Variants in NEMP2 observed in about 807,000 individuals in gnomAD.
The protein encoded by NEMP2 is UPF0571 transmembrane protein.
A neutral mutation model predicts 54.2 loss-of-function variants in NEMP2; 53 were observed. The ratio of observed to expected loss-of-function variants is 0.98; its 90% CI spans 0.78 to 1.23. The LOEUF (loss-of-function observed/expected upper bound fraction) is 1.23, where lower values mean the gene tolerates loss of function less well. Ranked by LOEUF, NEMP2 falls within the 50% of genes most tolerant of loss-of-function variation. The pLI is 0.00. For missense variants in NEMP2, 455 were observed against 511.3 expected (o/e 0.89, Z 1.06); for synonymous variants, 197 against 190.3 (o/e 1.04, Z -0.29).
chr2:190,458,231 A>G, the NEMP2 span, among the ~76,000 whole-genome samples: 2 of 152,190 alleles, frequency 1.3e-5, no homozygotes, highest in South Asian at 4.1e-4. This position sits in a 1 kb window ranked among gnomAD's most constrained non-coding sequence, Gnocchi z 5.3. Flanking sequence ...AACCCACAGT[A>G]CCTCAGAGTG....
the NEMP2 span, among the ~76,000 whole-genome samples, chr2:190,600,235 T>C: frequency 2.6e-5 from 4 of 152,154 alleles, no homozygotes; most frequent in Non-Finnish European, 4.4e-5. This position sits in a 1 kb window ranked among gnomAD's most constrained non-coding sequence, Gnocchi z 4.9. Context: ...GCTTGATTAT[T>C]GGCTCTTCAA....
rs1317465741 is a variant in NEMP2, at chr2:190,512,308, G to A, written c.954-1771C>T. On this transcript the variant is annotated intron_variant, in intron 7 of 8. Coordinates refer to ENST00000409150, the MANE Select transcript of NEMP2 (RefSeq NM_001142645.2). This position sits in a 1 kb window ranked among gnomAD's most constrained non-coding sequence, Gnocchi z 4.5. ...ATAGGTCACTGTACAGGTTAAATGA[G>A]ATATTTTGTGTAGGGTTCTTAGCAC... Among the ~76,000 whole-genome samples the A allele has an allele frequency of 6.6e-6, 1 of 152,172 alleles. No homozygotes were observed. Among genetic ancestry groups the A allele is most frequent in the African/African-American group, 2.4e-5 (1 of 41,462 alleles).
chr2:190,554,256 A>G, the NEMP2 span, among the ~76,000 whole-genome samples: 3 of 152,076 alleles, frequency 2.0e-5, no homozygotes, highest in African/African-American at 7.2e-5. The surrounding 1 kb of genome is among the most constrained non-coding windows in gnomAD (Gnocchi z 5.7). Flanking sequence ...AGCTAGCCGC[A>G]GGAGTTTTTT....
chr2:190,462,365 G>A, the NEMP2 span, among the ~76,000 whole-genome samples: 5 of 152,170 alleles, frequency 3.3e-5, no homozygotes, highest in African/African-American at 1.2e-4. This position sits in a 1 kb window ranked among gnomAD's most constrained non-coding sequence, Gnocchi z 5.7. Context: ...AGTGAATGGT[G>A]GATCCCACAC....
chr2:190,611,009 G>T, the NEMP2 span: 3 of 152,120 alleles, frequency 2.0e-5, no homozygotes, highest in Non-Finnish European at 4.4e-5. The surrounding 1 kb of genome is among the most constrained non-coding windows in gnomAD (Gnocchi z 5.4). Context: ...GCATTCAAGA[G>T]CACCTGTTAG....
Position 190,504,489 on chromosome 2 carries a change from G to T in NEMP2, c.*4700C>A, listed in dbSNP as rs572429481. ...TGCATTGTAAACATTAAGTGGTTGG[G>T]GATATGAGTTAGTTAAGAGACAAAA... is the stretch of plus-strand genomic sequence containing the variant. On this transcript the variant is annotated 3_prime_UTR_variant, in exon 9 of 9. Transcript: ENST00000409150. This position sits in a 1 kb window ranked among gnomAD's most constrained non-coding sequence, Gnocchi z 5.6. 6.6e-6 allele frequency: 1 copy of T among 151,996 alleles called. No individual in the cohort carries two copies. The highest frequency in any genetic ancestry group is 2.4e-5 in the African/African-American group (1 of 41,438). The allele number at this position is 151,996 out of a possible 1,614,324, so 9.4% of individuals were successfully genotyped here.
the NEMP2 span, among the ~76,000 whole-genome samples, chr2:190,632,838 A>G: frequency 6.6e-6 from 1 of 152,244 alleles, no homozygotes; most frequent in Admixed American, 6.5e-5. The surrounding 1 kb of genome is among the most constrained non-coding windows in gnomAD (Gnocchi z 4.8). Flanking sequence ...TGGTCATTAT[A>G]GAATATACAG....
the NEMP2 span, among the ~76,000 whole-genome samples, chr2:190,474,594 A>C: frequency 5.3e-5 from 8 of 152,226 alleles, no homozygotes; most frequent in African/African-American, 1.7e-4. Context: ...AACCAAAAAA[A>C]GTCCAGGACC....
chr2:190,479,110 A>G, the NEMP2 span, among the ~76,000 whole-genome samples: 1 of 152,180 alleles, frequency 6.6e-6, no homozygotes, highest in Non-Finnish European at 1.5e-5. Context: ...GGGTTTGTGA[A>G]GAAACAAATT....
chr2:190,502,987 C>T (rs560528035), downstream of NEMP2, among the ~76,000 whole-genome samples: 1 of 152,322 alleles, frequency 6.6e-6, no homozygotes, highest in East Asian at 1.9e-4. The surrounding 1 kb of genome is among the most constrained non-coding windows in gnomAD (Gnocchi z 4.4). Flanking sequence ...TTACCCCACC[C>T]CAGGAGGCAG....
At chr2:190,478,705 A>G in the NEMP2 span, among the ~76,000 whole-genome samples, 1 of 152,166 alleles carries the variant, frequency 6.6e-6, no homozygotes, top group Non-Finnish European at 1.5e-5. Context: ...TTGATTGCCA[A>G]AGACCTAGTC....
the NEMP2 span, among the ~76,000 whole-genome samples, chr2:190,590,987 G>A: frequency 1.1e-3 from 173 of 152,248 alleles, no homozygotes; most frequent in Non-Finnish European, 6.5e-4. The surrounding 1 kb of genome is among the most constrained non-coding windows in gnomAD (Gnocchi z 5.1). Context: ...AATGAGGCTT[G>A]CTTTTTACCT....
rs2125302059 is a variant in NEMP2, at chr2:190,509,552, A to G, written c.1131-240T>C. Among the ~76,000 whole-genome samples, 1 of 152,170 alleles carries G rather than the reference A, an allele frequency of 6.6e-6. No homozygotes were observed. Among genetic ancestry groups the G allele is most frequent in the East Asian group, 1.9e-4 (1 of 5,184 alleles). ...TATAAGCACTAAGTAAGCCAAATGT[A>G]CTCACTCCTGTTTTCTAATTCCTTC... On this transcript the variant is annotated intron_variant, in intron 8 of 8. Coordinates refer to ENST00000409150, the MANE Select transcript of NEMP2 (RefSeq NM_001142645.2). This position sits in a 1 kb window ranked among gnomAD's most constrained non-coding sequence, Gnocchi z 6.1.
chr2:190,628,454 T>C, the NEMP2 span: 11,378 of 152,276 alleles, frequency 0.075, 536 homozygotes, highest in African/African-American at 0.13. The surrounding 1 kb of genome is among the most constrained non-coding windows in gnomAD (Gnocchi z 4.1). Flanking sequence ...ACTAGCAATA[T>C]TTATGGTACA....
the NEMP2 span, among the ~76,000 whole-genome samples, chr2:190,644,348 G>A: frequency 1.3e-5 from 2 of 152,172 alleles, no homozygotes; most frequent in Non-Finnish European, 2.9e-5. The surrounding 1 kb of genome is among the most constrained non-coding windows in gnomAD (Gnocchi z 4.4). Flanking sequence ...ATCTCAGCAT[G>A]CTTCTGTACT....
chr2:190,598,042 G>A, the NEMP2 span, among the ~76,000 whole-genome samples: 89 of 152,158 alleles, frequency 5.8e-4, no homozygotes, highest in African/African-American at 1.9e-3. Context: ...TGTCTTCTTC[G>A]TTGTGGGGCC....
the NEMP2 span, among the ~76,000 whole-genome samples, chr2:190,427,445 G>T: frequency 6.6e-6 from 1 of 152,326 alleles, no homozygotes; most frequent in East Asian, 1.9e-4. Flanking sequence ...TGTCTTTCTA[G>T]ACTGCCCCTT....
At chr2:190,479,264 A>G in the NEMP2 span, among the ~76,000 whole-genome samples, 2 of 152,208 alleles carry the variant, frequency 1.3e-5, no homozygotes, top group South Asian at 2.1e-4. Context: ...TCTTGCAGCT[A>G]TATCTTTTTA....
the NEMP2 span, among the ~76,000 whole-genome samples, chr2:190,429,679 T>G: frequency 6.6e-6 from 1 of 152,194 alleles, no homozygotes; most frequent in African/African-American, 2.4e-5. Flanking sequence ...ATACTCTGTG[T>G]CTTATTTAGT....
Sources: allele counts gnomAD v4.1 joint callset (sites outside exome capture counted in the v4.1 genomes callset), GRCh38; gene constraint gnomAD v4.1.1; non-coding constraint Gnocchi (gnomAD v3.1); transcripts MANE v1.5; gene names NCBI Gene and HGNC (gene_info 2026-07-23, HGNC 2026-07-21).